CENPN: variants seen among roughly 807,000 people sequenced by gnomAD.
The protein encoded by CENPN is interphase centromere complex protein 32.
Under a neutral mutation model 48.6 loss-of-function variants are expected in CENPN, and 36 were observed. That is an observed-to-expected ratio of 0.74 (90% CI 0.57 to 0.98). The LOEUF is 0.98. Ranked by LOEUF, CENPN falls within the 50% of genes least tolerant of loss-of-function variation. The probability of loss-of-function intolerance (pLI) is 0.00; values close to 1 mark genes in which losing one functional copy is unlikely to be tolerated. For synonymous variants in CENPN, 166 were observed against 135.2 expected (o/e 1.23, Z -1.58); for missense variants, 439 against 399.2 (o/e 1.10, Z -0.85).
At chr16:81,032,502 A>T (rs1473966641), downstream of CENPN, 1 of 1,484,772 alleles carries the variant, frequency 6.7e-7, no homozygotes, top group Non-Finnish European at 9.1e-7. Flanking sequence ...CGTTAATAAA[A>T]CTTGTATGTC....
rs762544734 is a variant in CENPN at position 81,028,233 on chromosome 16, C to T, written c.873C>T (p.Leu291=). The change falls in exon 10 of 11, where the codon CTC becomes CTT. Residue 291 remains leucine (L), a synonymous_variant. Transcript: ENST00000305850. The part of the protein sequence containing the change: ...GSILAEREEP[L]RCLIKFSSPH... ...TCTTGGCTGAGAGGGAAGAACCCCT[C>T]CGATGCCTAATAAAGTTCTCTAGCC... The T allele has an allele frequency of 6.2e-7, 1 of 1,613,582 alleles. No homozygotes were observed. The highest frequency in any genetic ancestry group is 1.7e-5 in the Admixed American group (1 of 60,024).
intron 6 of CENPN, among the ~76,000 whole-genome samples, chr16:81,020,742 T>C (rs1486401401): frequency 6.6e-6 from 1 of 152,142 alleles, no homozygotes. Context: ...ATTCCGTTCG[T>C]TCAAAATAAC....
Position 81,028,558 on chromosome 16 carries a change from T to C in CENPN, c.938-11T>C. 6.3e-7 allele frequency: 1 copy of C among 1,595,792 alleles called. No individual in the cohort carries two copies. Among genetic ancestry groups the C allele is most frequent in the Non-Finnish European group, 8.5e-7 (1 of 1,173,788 alleles). On this transcript the variant is annotated splice_polypyrimidine_tract_variant and intron_variant, in intron 10 of 10. Coordinates refer to ENST00000305850, the MANE Select transcript of CENPN (RefSeq NM_001100624.3). ...ATTTTCTTTTTCCCTTTTTTTTTTT[T>C]TTAATTTCAGGTATTGCAGATGCTC...
chr16:81,013,434 A>C (rs887210029), intron 2 of CENPN, among the ~76,000 whole-genome samples: 3 of 152,168 alleles, frequency 2.0e-5, no homozygotes, highest in African/African-American at 7.2e-5. Context: ...CGGTGATAAG[A>C]AAGGGACACA....
chr16:81,020,816 C>A lies in CENPN; in HGVS notation c.531+540C>A, dbSNP rs1472192108. ...ATTAGAAAAGCCAGGGTAGGCCAGG[C>A]GCGGTGCTCATGTCTGTAATCCCAA... On this transcript the variant is annotated intron_variant, in intron 6 of 10. Coordinates refer to ENST00000305850, the MANE Select transcript of CENPN (RefSeq NM_001100624.3). Among the ~76,000 whole-genome samples, 3 of 152,094 alleles carry A rather than the reference C, an allele frequency of 2.0e-5. No homozygotes were observed. In the East Asian group the frequency reaches 5.8e-4, roughly 29 times the overall value.
chr16:81,007,731 T>A (rs767836137), intron 1 of CENPN, among the ~76,000 whole-genome samples: 3 of 152,166 alleles, frequency 2.0e-5, no homozygotes, highest in Non-Finnish European at 2.9e-5. Context: ...TTACTTAAAA[T>A]GGATCTTTTT....
Position 81,030,463 on chromosome 16 carries a change from T to A in CENPN, c.*1812T>A. On this transcript the variant is annotated 3_prime_UTR_variant, in exon 11 of 11. Transcript: ENST00000305850. ...ACATGATATAGAAAAATGACTTCAC[T>A]CTGGGCCGGGTGTAGTGGCTCACGC... The A allele has an allele frequency of 1.1e-6, 1 of 938,968 alleles. No homozygotes were observed. Among genetic ancestry groups the A allele is most frequent in the Non-Finnish European group, 1.3e-6 (1 of 787,628 alleles). 58.2% of individuals were successfully genotyped at this position (938,968 alleles called of 1,614,324 possible).
Position 81,020,161 on chromosome 16 carries a change from C to T in CENPN, c.416C>T (p.Thr139Ile). 1 of 1,613,310 alleles carries T rather than the reference C, an allele frequency of 6.2e-7. No individual in the cohort carries two copies. Residue 139 changes from threonine to isoleucine, a missense_variant, in exon 6 of 11, where the codon ACA (threonine) becomes ATA (isoleucine). Physicochemically the swap from Thr to Ile is moderately conservative, Grantham distance 89 (BLOSUM62 -1). Coordinates refer to ENST00000305850, the MANE Select transcript of CENPN (RefSeq NM_001100624.3). ...NAVWIRIAWG[T>I]QYTKPNQYKP... ...GTCTGGATTCGAATTGCCTGGGGAA[C>T]ACAGTACACAAAGCCAAACCAGTAC...
At chr16:81,016,429 T>C (rs1468729124) in intron 3 of CENPN, among the ~76,000 whole-genome samples, 1 of 152,080 alleles carries the variant, frequency 6.6e-6, no homozygotes, top group Non-Finnish European at 1.5e-5. Flanking sequence ...TCCATCAGAG[T>C]CTAACTGGAA....
Position 81,031,309 on chromosome 16 carries a change from T to G in CENPN, c.*2658T>G, listed in dbSNP as rs1970764963. 1 of 152,214 alleles carries G rather than the reference T, an allele frequency of 6.6e-6. No homozygotes were observed. Among genetic ancestry groups the G allele is most frequent in the East Asian group, 1.9e-4 (1 of 5,196 alleles). 9.4% of individuals were successfully genotyped at this position (152,214 alleles called of 1,614,324 possible). ...AGCACCAACCAATAAACTATGGATTTTTGTACTAAGCCAGTTGCCTCTTTC... is the reference window on the plus strand; with the variant it reads ...AGCACCAACCAATAAACTATGGATTGTTGTACTAAGCCAGTTGCCTCTTTC... On this transcript the variant is annotated 3_prime_UTR_variant, in exon 11 of 11. Coordinates refer to ENST00000305850, the MANE Select transcript of CENPN (RefSeq NM_001100624.3).
chr16:81,013,627 A>C (rs532501178), intron 2 of CENPN, among the ~76,000 whole-genome samples: 5 of 152,194 alleles, frequency 3.3e-5, no homozygotes, highest in Non-Finnish European at 7.4e-5. Context: ...AGGCTGAGGC[A>C]GGAGTATCAC....
intron 9 of CENPN, 78 bp downstream of exon 9, chr16:81,026,716 A>T (rs961818304): frequency 4.6e-6 from 3 of 648,120 alleles, no homozygotes; most frequent in Non-Finnish European, 7.9e-6. Context: ...TGGAAAACAG[A>T]TCTAAGAAAC....
At chr16:81,013,352 A>C (rs896416436) in intron 2 of CENPN, among the ~76,000 whole-genome samples, 4 of 152,250 alleles carry the variant, frequency 2.6e-5, no homozygotes, top group African/African-American at 4.8e-5. Context: ...CAGAAAGCAG[A>C]TCAGCGTTTG....
At chr16:81,032,761 G>C (rs1970825355), downstream of CENPN, 2 of 1,477,504 alleles carry the variant, frequency 1.4e-6, no homozygotes, top group Non-Finnish European at 1.9e-6. Flanking sequence ...CTGATATACA[G>C]CTAACTGCTA....
intron 6 of CENPN, among the ~76,000 whole-genome samples, chr16:81,021,014 C>T (rs548779954): frequency 8.4e-4 from 128 of 151,860 alleles, no homozygotes; most frequent in Non-Finnish European, 1.4e-3. Context: ...ATTGCTTGAA[C>T]CCGGGAGGCA....
intron 3 of CENPN, among the ~76,000 whole-genome samples, chr16:81,016,613 A>C (rs71400133): frequency 0.24 from 36,369 of 152,030 alleles, 4,569 homozygotes; most frequent in East Asian, 0.42. Flanking sequence ...AATACAAAAA[A>C]TTAGCCAGGC....
chr16:81,032,781 G>A (rs1970825705), downstream of CENPN: 1 of 1,355,406 alleles, frequency 7.4e-7, no homozygotes, highest in Non-Finnish European at 1.0e-6. Context: ...ATAGACTAAT[G>A]CAGGCCTCCT....
intron 8 of CENPN, among the ~76,000 whole-genome samples, chr16:81,025,964 A>G (rs1970448929): frequency 1.3e-5 from 2 of 151,010 alleles, no homozygotes; most frequent in South Asian, 4.2e-4. Context: ...CAGCCTCCTG[A>G]AGTGCTGGGA....
chr16:81,028,421 T>C, intron 10 of CENPN, 124 bp downstream of exon 10: 11 of 1,472,566 alleles, frequency 7.5e-6, no homozygotes, highest in Non-Finnish European at 1.0e-5. Context: ...TCCTGCTCTC[T>C]CTTGCATCTT....
Sources: gnomAD v4.1 joint callset for allele counts (sites outside exome capture counted in the v4.1 genomes callset) on GRCh38, gnomAD v4.1.1 for gene constraint, MANE v1.5 for transcripts, NCBI Gene and HGNC (gene_info 2026-07-23, HGNC 2026-07-21) for gene names.